PKHD1: variants seen among roughly 807,000 people sequenced by gnomAD.
PKHD1 encodes fibrocystin.
A neutral mutation model predicts 412.0 loss-of-function variants in PKHD1; 291 were observed. That is an observed-to-expected ratio of 0.71 (90% CI 0.64 to 0.78). PKHD1 has a LOEUF of 0.78. Ranked by LOEUF, PKHD1 falls within the 30% of genes least tolerant of loss-of-function variation. The pLI is 0.00. For synonymous variants in PKHD1, 1,777 were observed against 1,821.5 expected (o/e 0.98, Z 0.62); for missense variants, 4,825 against 4,950.7 (o/e 0.97, Z 0.76).
intron 43 of PKHD1, among the ~76,000 whole-genome samples, chr6:51,899,032 C>T (rs991655928): frequency 6.6e-6 from 1 of 152,112 alleles, no homozygotes; most frequent in Non-Finnish European, 1.5e-5. Flanking sequence ...CAATAGCTTA[C>T]CAACCAAAAA....
At chr6:51,821,767 C>T (rs1035139622) in intron 52 of PKHD1, among the ~76,000 whole-genome samples, 16 of 152,174 alleles carry the variant, frequency 1.1e-4, no homozygotes, top group South Asian at 2.1e-4. Flanking sequence ...CAGGCTGAAG[C>T]GCTCCACCTC....
chr6:51,946,584 C>T (rs1200624959), intron 36 of PKHD1, among the ~76,000 whole-genome samples: 2 of 152,268 alleles, frequency 1.3e-5, no homozygotes, highest in South Asian at 2.1e-4. Flanking sequence ...TAGAGCTTGA[C>T]CCCATTTCTA....
At chr6:51,931,064 T>C (rs1439036087) in intron 37 of PKHD1, among the ~76,000 whole-genome samples, 1 of 152,218 alleles carries the variant, frequency 6.6e-6, no homozygotes, top group Non-Finnish European at 1.5e-5. Flanking sequence ...TCTGATTTTT[T>C]AGAGATCTGT....
At chr6:51,721,561 C>G in intron 60 of PKHD1, 1 of 997,870 alleles carries the variant, frequency 1.0e-6, no homozygotes, top group African/African-American at 1.7e-5. Flanking sequence ...ATTTCAACAC[C>G]ACCAATTTAA....
At chr6:51,724,866 A>C (rs1782376712) in intron 60 of PKHD1, among the ~76,000 whole-genome samples, 1 of 152,186 alleles carries the variant, frequency 6.6e-6, no homozygotes, top group African/African-American at 2.4e-5. Flanking sequence ...AGAGACAGAA[A>C]TTAAAGTGAT....
chr6:52,063,192 C>T (rs1808946670), intron 13 of PKHD1, among the ~76,000 whole-genome samples: 1 of 152,212 alleles, frequency 6.6e-6, no homozygotes, highest in African/African-American at 2.4e-5. Context: ...TATTATGTGA[C>T]ATTTTAAATG....
chr6:51,772,681 TA>T lies in PKHD1; in HGVS notation c.8642+20del. On this transcript the variant is annotated intron_variant, in intron 55 of 66. Coordinates refer to ENST00000371117, the MANE Select transcript of PKHD1 (RefSeq NM_138694.4). ...CTAAACAACAACCAAGAAAAAGCCC[TA>T]AGTTACTCTCATTCCTTACCTCTCA... The T allele has an allele frequency of 7.7e-7, 1 of 1,298,422 alleles. No individual in the cohort carries two copies. The highest frequency in any genetic ancestry group is 1.1e-6 in the Non-Finnish European group (1 of 901,228). 80.4% of individuals were successfully genotyped at this position (1,298,422 alleles called of 1,614,324 possible).
intron 11 of PKHD1, among the ~76,000 whole-genome samples, chr6:52,066,658 C>T (rs1044802957): frequency 2.0e-5 from 3 of 152,046 alleles, no homozygotes; most frequent in African/African-American, 4.8e-5. Flanking sequence ...TTTGGGAGGC[C>T]GAAGCGAGTG....
intron 19 of PKHD1, 67 bp from the exon 20 acceptor site, chr6:52,054,232 T>C (rs1581982759): frequency 4.6e-6 from 7 of 1,513,556 alleles, no homozygotes; most frequent in South Asian, 4.5e-5. Flanking sequence ...CAATACGTAG[T>C]GAGGAGTCCA....
intron 60 of PKHD1, among the ~76,000 whole-genome samples, chr6:51,684,560 A>C (rs1360550700): frequency 6.6e-6 from 1 of 152,080 alleles, no homozygotes; most frequent in East Asian, 1.9e-4. Context: ...CTCCAAGGGG[A>C]TCTATAGGAC....
intron 60 of PKHD1, among the ~76,000 whole-genome samples, chr6:51,683,957 A>G (rs1222331245): frequency 6.6e-6 from 1 of 152,060 alleles, no homozygotes; most frequent in Non-Finnish European, 1.5e-5. Flanking sequence ...TTGAGTACAG[A>G]TATCAGCCTT....
chr6:51,882,641 T>C (rs868281756), intron 46 of PKHD1, among the ~76,000 whole-genome samples: 35 of 152,178 alleles, frequency 2.3e-4, no homozygotes, highest in African/African-American at 8.0e-4. Context: ...ACTTAGGAAC[T>C]AGTGCTTCCC....
chr6:52,070,332 A>T lies in PKHD1; in HGVS notation c.707+74T>A. 9.5e-6 allele frequency: 9 copies of T among 944,042 alleles called. No individual in the cohort carries two copies. The South Asian group carries it at 1.2e-4, about 12-fold the overall frequency. The allele number at this position is 944,042 out of a possible 1,614,324, so 58.5% of individuals were successfully genotyped here. A position where few individuals can be genotyped will look rare whatever the true frequency, so the allele number is the denominator to read the frequency against. The stretch of plus-strand genomic sequence containing the variant: ...ATTTTCCGTCATAAAAAGATAAAGA[A>T]AGTAAGCAAGATGAGAGAGATAGGT... On this transcript the variant is annotated intron_variant, in intron 10 of 66. Coordinates refer to ENST00000371117, the MANE Select transcript of PKHD1 (RefSeq NM_138694.4).
chr6:51,979,132 A>T (rs966644789), intron 35 of PKHD1, among the ~76,000 whole-genome samples: 1 of 152,186 alleles, frequency 6.6e-6, no homozygotes, highest in African/African-American at 2.4e-5. Context: ...ATGCCTCTTC[A>T]TTCATTCTTT....
chr6:51,973,867 T>A (rs1456597763), intron 35 of PKHD1, among the ~76,000 whole-genome samples: 1 of 152,226 alleles, frequency 6.6e-6, no homozygotes, highest in East Asian at 1.9e-4. Flanking sequence ...AGCCTCTGTG[T>A]TATAGTTCAG....
At chr6:52,060,089 T>C (rs1808446499) in intron 14 of PKHD1, 47 bp from the exon 15 acceptor site, 2 of 1,012,968 alleles carry the variant, frequency 2.0e-6, no homozygotes, top group South Asian at 1.3e-5. Context: ...AAGGCCTGAA[T>C]CACTGAACCA....
intron 55 of PKHD1, among the ~76,000 whole-genome samples, chr6:51,761,857 G>C (rs1016071365): frequency 1.3e-5 from 2 of 151,916 alleles, no homozygotes; most frequent in African/African-American, 4.8e-5. Flanking sequence ...GAATTTGGGG[G>C]AAGTTTCCTC....
intron 52 of PKHD1, among the ~76,000 whole-genome samples, chr6:51,828,788 G>A (rs1250738066): frequency 2.0e-5 from 3 of 152,020 alleles, no homozygotes; most frequent in African/African-American, 4.8e-5. Context: ...AACAAAGGTA[G>A]ATTCAATCCA....
intron 60 of PKHD1, among the ~76,000 whole-genome samples, chr6:51,715,762 C>T (rs963739981): frequency 2.0e-5 from 3 of 152,042 alleles, no homozygotes; most frequent in Non-Finnish European, 2.9e-5. Flanking sequence ...GGAATGTCAC[C>T]GACACTGATA....
Sources: gnomAD v4.1 joint callset for allele counts (sites outside exome capture counted in the v4.1 genomes callset) on GRCh38, gnomAD v4.1.1 for gene constraint, MANE v1.5 for transcripts, NCBI Gene and HGNC (gene_info 2026-07-23, HGNC 2026-07-21) for gene names.